The following SCHIP1 variants were observed in gnomAD, a reference collection of about 807,000 sequenced individuals.
SCHIP1 encodes the protein schwannomin-interacting protein 1.
Under a neutral mutation model 29.7 loss-of-function variants are expected in SCHIP1, and 8 were observed. That is an observed-to-expected ratio of 0.27 (90% CI 0.16 to 0.49). The LOEUF (loss-of-function observed/expected upper bound fraction) is 0.49. SCHIP1 is among the 20% of genes least tolerant of loss of function. The pLI, the probability that SCHIP1 is intolerant of heterozygous loss-of-function variation, is 0.99. For missense variants in SCHIP1, 193 were observed against 294.6 expected, an observed-to-expected ratio of 0.66 and a Z score of 2.52; for synonymous variants, 76 against 94.9, an observed-to-expected ratio of 0.80 and a Z score of 1.16.
the SCHIP1 span, among the ~76,000 whole-genome samples, chr3:159,321,167 G>A: frequency 1.1e-4 from 16 of 152,232 alleles, no homozygotes; most frequent in Non-Finnish European, 1.3e-4. Context: ...GTTTCACCAC[G>A]TCGGCCCGGC....
the SCHIP1 span, among the ~76,000 whole-genome samples, chr3:159,647,859 A>G: frequency 6.6e-6 from 1 of 152,168 alleles, no homozygotes; most frequent in Non-Finnish European, 1.5e-5. Flanking sequence ...TTTTAGAAAC[A>G]TTATGTTTCT....
At chr3:159,436,113 A>G in the SCHIP1 span, among the ~76,000 whole-genome samples, 1 of 152,174 alleles carries the variant, frequency 6.6e-6, no homozygotes, top group Non-Finnish European at 1.5e-5. Flanking sequence ...GGTCACCCAA[A>G]GTAACCCCAC....
At chr3:159,377,378 T>C in the SCHIP1 span, among the ~76,000 whole-genome samples, 1 of 152,242 alleles carries the variant, frequency 6.6e-6, no homozygotes, top group Non-Finnish European at 1.5e-5. Context: ...TTGGGTTCTA[T>C]AGGTTTACTC....
chr3:159,658,893 C>T, the SCHIP1 span, among the ~76,000 whole-genome samples: 3 of 152,206 alleles, frequency 2.0e-5, no homozygotes, highest in Non-Finnish European at 4.4e-5. Flanking sequence ...GAGCCAAAAA[C>T]CTCGGAGTCA....
the SCHIP1 span, among the ~76,000 whole-genome samples, chr3:159,604,213 A>G: frequency 6.6e-6 from 1 of 152,164 alleles, no homozygotes; most frequent in Admixed American, 6.5e-5. Flanking sequence ...CGTAAGAATA[A>G]ACCAACATCC....
chr3:159,448,268 C>A, the SCHIP1 span, among the ~76,000 whole-genome samples: 12 of 152,038 alleles, frequency 7.9e-5, no homozygotes, highest in Non-Finnish European at 1.2e-4. Context: ...GGTCAAAAAT[C>A]GAGACCATCC....
chr3:159,396,809 T>G, the SCHIP1 span, among the ~76,000 whole-genome samples: 2 of 151,908 alleles, frequency 1.3e-5, no homozygotes, highest in South Asian at 4.2e-4. Context: ...CTGGAGTTGC[T>G]CTTCTCGAGG....
At chr3:159,676,767 C>T in the SCHIP1 span, among the ~76,000 whole-genome samples, 14 of 152,262 alleles carry the variant, frequency 9.2e-5, no homozygotes, top group African/African-American at 3.4e-4. Flanking sequence ...CTGTATGCTC[C>T]AAGCTCCGTG....
At chr3:159,638,524 G>A in the SCHIP1 span, among the ~76,000 whole-genome samples, 1 of 151,370 alleles carries the variant, frequency 6.6e-6, no homozygotes, top group Non-Finnish European at 1.5e-5. Context: ...AAGTCAGAGT[G>A]CACAAAGAAT....
the SCHIP1 span, among the ~76,000 whole-genome samples, chr3:159,619,758 G>C: frequency 6.6e-6 from 1 of 152,190 alleles, no homozygotes; most frequent in Non-Finnish European, 1.5e-5. Context: ...TGAGTGAACT[G>C]TTGTGGTTTG....
intron 1 of SCHIP1, among the ~76,000 whole-genome samples, chr3:159,843,945 T>C (rs1464776402): frequency 6.6e-6 from 1 of 152,080 alleles, no homozygotes; most frequent in Non-Finnish European, 1.5e-5. Context: ...GTTTTCATTG[T>C]GTGTGAGCTG....
chr3:159,359,148 G>A, the SCHIP1 span, among the ~76,000 whole-genome samples: 7,419 of 151,832 alleles, frequency 0.049, 629 homozygotes, highest in African/African-American at 0.17. Flanking sequence ...GGATGATCTC[G>A]ATCTCCTGAC....
chr3:159,540,256 G>C, the SCHIP1 span, among the ~76,000 whole-genome samples: 1 of 151,958 alleles, frequency 6.6e-6, no homozygotes, highest in African/African-American at 2.4e-5. Flanking sequence ...TCTCAAACAG[G>C]CTCAGTCACT....
the SCHIP1 span, among the ~76,000 whole-genome samples, chr3:159,390,256 A>G: frequency 6.6e-6 from 1 of 152,142 alleles, no homozygotes; most frequent in Admixed American, 6.6e-5. Flanking sequence ...GTTAACTTTT[A>G]TGAGACAAGA....
the SCHIP1 span, among the ~76,000 whole-genome samples, chr3:159,504,523 G>A: frequency 6.6e-6 from 1 of 152,154 alleles, no homozygotes; most frequent in Non-Finnish European, 1.5e-5. Flanking sequence ...TGGGAAGGCA[G>A]TTTAACACAC....
chr3:159,764,942 C>A, the SCHIP1 span: 1 of 1,492,728 alleles, frequency 6.7e-7, no homozygotes, highest in Non-Finnish European at 8.9e-7. The surrounding 1 kb of genome is among the most constrained non-coding windows in gnomAD (Gnocchi z 6.1). Flanking sequence ...CCCCAGCCGG[C>A]TGGGGGCCGG....
At chr3:159,774,877 C>T in the SCHIP1 span, among the ~76,000 whole-genome samples, 2 of 152,252 alleles carry the variant, frequency 1.3e-5, no homozygotes, top group Non-Finnish European at 2.9e-5. Flanking sequence ...TCCACCCAAA[C>T]ATTTCATATG....
chr3:159,802,204 A>G, the SCHIP1 span, among the ~76,000 whole-genome samples: 1 of 152,154 alleles, frequency 6.6e-6, no homozygotes, highest in Non-Finnish European at 1.5e-5. Flanking sequence ...TTTGGCAGGT[A>G]CTGTATGAGG....
intron 1 of SCHIP1, among the ~76,000 whole-genome samples, chr3:159,840,564 C>T: frequency 6.6e-6 from 1 of 152,190 alleles, no homozygotes; most frequent in East Asian, 1.9e-4. Context: ...CACTGAAAAA[C>T]GTGATTTTTG....
Sources: allele counts gnomAD v4.1 joint callset (sites outside exome capture counted in the v4.1 genomes callset), GRCh38; gene constraint gnomAD v4.1.1; non-coding constraint Gnocchi (gnomAD v3.1); transcripts MANE v1.5; gene names NCBI Gene and HGNC (gene_info 2026-07-23, HGNC 2026-07-21).